CUBN: variants seen among roughly 807,000 people sequenced by gnomAD.
The protein encoded by CUBN is 460 kDa receptor.
CUBN carries 282 observed loss-of-function variants against 405.3 expected under a neutral mutation model. That is an observed-to-expected ratio of 0.70 (90% CI 0.63 to 0.77). The LOEUF is 0.77. Among genes scored for constraint, CUBN ranks in the 30% least tolerant of loss-of-function variants. The pLI is 0.00. For missense variants in CUBN, 4,514 were observed against 4,475.2 expected, an observed-to-expected ratio of 1.01 and a Z score of -0.25; for synonymous variants, 1,684 against 1,617.0, an observed-to-expected ratio of 1.04 and a Z score of -0.99.
intron 27 of CUBN, among the ~76,000 whole-genome samples, chr10:17,027,341 A>C (rs1404841763): frequency 6.6e-6 from 1 of 152,228 alleles, no homozygotes; most frequent in Non-Finnish European, 1.5e-5. Flanking sequence ...CATAATAAAT[A>C]ACATGGGGAA....
At chr10:17,000,992 T>G (rs1210247057) in intron 28 of CUBN, among the ~76,000 whole-genome samples, 2 of 152,164 alleles carry the variant, frequency 1.3e-5, no homozygotes, top group Non-Finnish European at 2.9e-5. Context: ...CGGAGTTTGC[T>G]CCTTCAAATG....
At position 17,082,701 on chromosome 10, in the gene CUBN, G is replaced by A. The variant is rs75308491; in HGVS notation, c.2301+1570C>T. Among the ~76,000 whole-genome samples the A allele has an allele frequency of 9.3e-3, 1,409 of 152,284 alleles. 8 individuals carry two copies. Among genetic ancestry groups the A allele is most frequent in the Middle Eastern group, 0.017 (5 of 292 alleles). On this transcript the variant is annotated intron_variant, in intron 17 of 66. Coordinates refer to ENST00000377833, the MANE Select transcript of CUBN (RefSeq NM_001081.4). ...CAAGACCTTCCTCCCTATGGAAGAT[G>A]AGACACCTCTTGTAGTCAACGTCAC...
chr10:17,114,056 C>G lies in CUBN; in HGVS notation c.854G>C (p.Gly285Ala). The G allele has an allele frequency of 1.9e-6, 3 of 1,613,004 alleles. No homozygotes were observed. Among genetic ancestry groups the G allele is most frequent in the Non-Finnish European group, 2.5e-6 (3 of 1,179,552 alleles). The change falls in exon 8 of 67, where the codon GGC becomes GCC. Residue 285 changes from glycine (G) to alanine (A), a missense_variant. Transcript: ENST00000377833. ...STLVQCFNTQ[G>A]SFYCGACPTG... ...TGGACAGGCCCCACAGTAGAAAGAG[C>G]CTTGAGTGTTGAAACACTGCACAAG...
At chr10:16,995,727 G>A (rs1311242742) in intron 28 of CUBN, among the ~76,000 whole-genome samples, 1 of 152,210 alleles carries the variant, frequency 6.6e-6, no homozygotes, top group African/African-American at 2.4e-5. Context: ...TGAATAGCTA[G>A]AGAAGAGGTA....
chr10:17,020,166 A>G (rs943171439), intron 27 of CUBN, among the ~76,000 whole-genome samples, 183 bp from the exon 28 acceptor site: 1 of 152,160 alleles, frequency 6.6e-6, no homozygotes, highest in Non-Finnish European at 1.5e-5. Flanking sequence ...TAGAGAGGGT[A>G]TTAGAGATGG....
intron 27 of CUBN, among the ~76,000 whole-genome samples, chr10:17,022,643 CTTCT>C (rs1834529753): frequency 6.6e-6 from 1 of 152,202 alleles, no homozygotes; most frequent in Non-Finnish European, 1.5e-5. Flanking sequence ...GCAGCCTGTG[CTTCT>C]AAATCCCTGC....
chr10:16,907,965 C>T (rs1841603344), intron 48 of CUBN, among the ~76,000 whole-genome samples: 1 of 152,134 alleles, frequency 6.6e-6, no homozygotes, highest in African/African-American at 2.4e-5. Context: ...GGAAACTGTG[C>T]TCTCAATGTA....
intron 55 of CUBN, among the ~76,000 whole-genome samples, chr10:16,889,256 A>G (rs780845): frequency 0.73 from 107,002 of 147,020 alleles, 38,112 homozygotes; most frequent in Middle Eastern, 0.81. Flanking sequence ...TTACACAGTG[A>G]ACCACCTGCA....
intron 60 of CUBN, among the ~76,000 whole-genome samples, chr10:16,849,837 AGCTACT>A (rs1839631154): frequency 6.6e-6 from 1 of 152,094 alleles, no homozygotes; most frequent in African/African-American, 2.4e-5. Flanking sequence ...AGTCTTCCCT[AGCTACT>A]GCTGTTGTCA....
At chr10:17,025,267 A>G (rs2131795741) in intron 27 of CUBN, among the ~76,000 whole-genome samples, 1 of 152,330 alleles carries the variant, frequency 6.6e-6, no homozygotes, top group South Asian at 2.1e-4. Flanking sequence ...ATAGAGTGGC[A>G]TTTTGAAGTG....
In CUBN at chr10:16,906,183, C is replaced by T. The variant is rs572540173; in HGVS notation, c.7912+20G>A. On this transcript the variant is annotated intron_variant, in intron 50 of 66. Coordinates refer to ENST00000377833, the MANE Select transcript of CUBN (RefSeq NM_001081.4). ...AATATTGTAGATAAATGGGAAAACG[C>T]ATTCTTAGATAGAACTCACCCACTC... 9.8e-6 allele frequency: 15 copies of T among 1,537,618 alleles called. No homozygotes were observed. In the African/African-American group the frequency reaches 1.8e-4, roughly 18 times the overall value.
At position 17,129,628 on chromosome 10, in the gene CUBN, C is replaced by G; in HGVS notation, c.122+16G>C. On this transcript the variant is annotated intron_variant, in intron 1 of 66. Transcript: ENST00000377833. ...AGCCTAGTCCCTGAGCAGGAATGAC[C>G]CATGTGTTTACTTACTGTTGGAGAT... is the stretch of plus-strand genomic sequence containing the variant. 1 of 1,614,074 alleles carries G rather than the reference C, an allele frequency of 6.2e-7. No individual in the cohort carries two copies. Among genetic ancestry groups the G allele is most frequent in the Non-Finnish European group, 8.5e-7 (1 of 1,179,978 alleles).
intron 28 of CUBN, among the ~76,000 whole-genome samples, chr10:17,000,544 T>C (rs902262734): frequency 6.6e-6 from 1 of 152,246 alleles, no homozygotes; most frequent in African/African-American, 2.4e-5. Flanking sequence ...ATTGCACACA[T>C]CTTTTTAAAA....
chr10:16,944,109 C>A (rs549706090), intron 36 of CUBN, among the ~76,000 whole-genome samples: 1 of 152,296 alleles, frequency 6.6e-6, no homozygotes, highest in East Asian at 1.9e-4. Context: ...TCTAAAAGCA[C>A]TCTGCAAGTA....
chr10:17,061,402 T>G (rs1420360528), intron 22 of CUBN, among the ~76,000 whole-genome samples: 1 of 152,232 alleles, frequency 6.6e-6, no homozygotes, highest in Non-Finnish European at 1.5e-5. Flanking sequence ...CCTGAATTTA[T>G]AGCAAGAAAA....
At chr10:16,897,477 G>A (rs780813) in intron 54 of CUBN, among the ~76,000 whole-genome samples, 71,135 of 151,568 alleles carry the variant, frequency 0.47, 18,911 homozygotes, top group Middle Eastern at 0.63. Flanking sequence ...CTCAGTTGAA[G>A]GCAAAGGGTA....
At chr10:16,977,365 T>C (rs1228102433) in intron 31 of CUBN, among the ~76,000 whole-genome samples, 3 of 151,664 alleles carry the variant, frequency 2.0e-5, no homozygotes, top group Admixed American at 6.6e-5. Flanking sequence ...AGCAGATAAA[T>C]AGAAGAGCAG....
At chr10:17,002,070 T>A (rs1194554135) in intron 28 of CUBN, among the ~76,000 whole-genome samples, 3 of 152,196 alleles carry the variant, frequency 2.0e-5, no homozygotes, top group Admixed American at 2.0e-4. Context: ...AAACAAGTCC[T>A]TGGATATGTA....
chr10:17,082,793 CATT>C (rs1334391101), intron 17 of CUBN, among the ~76,000 whole-genome samples: 2 of 152,286 alleles, frequency 1.3e-5, no homozygotes, highest in African/African-American at 4.8e-5. Flanking sequence ...ATCCCAGCTC[CATT>C]ACTTGCTAGA....
Sources: allele counts gnomAD v4.1 joint callset (sites outside exome capture counted in the v4.1 genomes callset), GRCh38; gene constraint gnomAD v4.1.1; transcripts MANE v1.5; gene names NCBI Gene and HGNC (gene_info 2026-07-23, HGNC 2026-07-21).